Variants in OR2I1 observed in about 807,000 individuals in gnomAD.
OR2I1 encodes putative olfactory receptor 2I1.
At chr6:29,554,880 G>A in the OR2I1 span, 1 of 152,186 alleles carries the variant, frequency 6.6e-6, no homozygotes, top group Non-Finnish European at 1.5e-5. Context: ...GTAAATGGAG[G>A]GAGGAAGATG....
the OR2I1 span, among the ~76,000 whole-genome samples, chr6:29,551,008 T>A: frequency 6.6e-6 from 1 of 152,238 alleles, no homozygotes; most frequent in Admixed American, 6.5e-5. Flanking sequence ...TGGGTTTATG[T>A]GTACAGGTGC....
At chr6:29,554,135 G>A in the OR2I1 span, 4 of 399,198 alleles carry the variant, frequency 1.0e-5, no homozygotes, top group Admixed American at 8.8e-5. Context: ...AGGCTGCTGC[G>A]GAGTCTGGGG....
At chr6:29,554,024 CACGGGGCAAGTTCGT>C in the OR2I1 span, 1 of 398,812 alleles carries the variant, frequency 2.5e-6, no homozygotes, top group South Asian at 1.3e-4. Context: ...TACAACCAGG[CACGGGGCAAGTTCGT>C]ATCGCTCTTC....
chr6:29,554,762 A>T, the OR2I1 span: 1 of 152,232 alleles, frequency 6.6e-6, no homozygotes, highest in Non-Finnish European at 1.5e-5. Context: ...ACAAGGAACT[A>T]GGATGAGTGT....
At chr6:29,554,834 T>C in the OR2I1 span, 1 of 151,610 alleles carries the variant, frequency 6.6e-6, no homozygotes, top group African/African-American at 2.4e-5. Context: ...TAGTGAGTCA[T>C]GAGAGAGAGA....
At chr6:29,555,489 CAG>C in the OR2I1 span, 124 of 202,174 alleles carry the variant, frequency 6.1e-4, 1 homozygote, top group Middle Eastern at 2.1e-3. Flanking sequence ...TTAACAAAGA[CAG>C]AAATACAGAA....
the OR2I1 span, chr6:29,557,053 C>T: frequency 2.6e-5 from 4 of 152,138 alleles, no homozygotes; most frequent in Non-Finnish European, 4.4e-5. Context: ...ACACAACTGA[C>T]CAGCAAAGTT....
chr6:29,552,404 T>G, the OR2I1 span, among the ~76,000 whole-genome samples: 1 of 152,236 alleles, frequency 6.6e-6, no homozygotes, highest in South Asian at 2.1e-4. Flanking sequence ...TCTACCCAAC[T>G]TATTCCTGAT....
At chr6:29,556,604 C>G in the OR2I1 span, 1 of 506,292 alleles carries the variant, frequency 2.0e-6, no homozygotes, top group Non-Finnish European at 3.5e-6. Context: ...AAATCCTGAG[C>G]CCCCAACCAA....
the OR2I1 span, chr6:29,555,176 TAG>T: frequency 3.9e-5 from 6 of 152,226 alleles, no homozygotes; most frequent in Admixed American, 2.6e-4. Flanking sequence ...ACAGAATTGC[TAG>T]ATCCCTGTGG....
chr6:29,552,467 G>T, the OR2I1 span, among the ~76,000 whole-genome samples: 46 of 152,176 alleles, frequency 3.0e-4, no homozygotes, highest in Non-Finnish European at 6.2e-4. Context: ...GGGCATGGAC[G>T]TTGGGAGTAG....
At chr6:29,556,330 T>C in the OR2I1 span, 1 of 1,612,138 alleles carries the variant, frequency 6.2e-7, no homozygotes, top group Non-Finnish European at 8.5e-7. Flanking sequence ...TTAAATCCCA[T>C]TCCTCGGAAC....
the OR2I1 span, chr6:29,555,585 G>C: frequency 4.9e-6 from 2 of 408,430 alleles, no homozygotes; most frequent in Non-Finnish European, 8.6e-6. Flanking sequence ...AAATAACAAG[G>C]TATCAAGACA....
At chr6:29,553,742 ACTTCAT>A in the OR2I1 span, 1 of 398,552 alleles carries the variant, frequency 2.5e-6, no homozygotes, top group Non-Finnish European at 4.4e-6. Flanking sequence ...CTGCTGGACC[ACTTCAT>A]CTGTGAGCTG....
chr6:29,556,124 T>C, the OR2I1 span: 1 of 1,613,144 alleles, frequency 6.2e-7, no homozygotes, highest in Non-Finnish European at 8.5e-7. Flanking sequence ...CAGCTCCTCA[T>C]CACTGGGCTT....
chr6:29,555,819 G>T, the OR2I1 span: 1 of 1,337,568 alleles, frequency 7.5e-7, no homozygotes, highest in Non-Finnish European at 1.1e-6. Flanking sequence ...TGTGTTCGTT[G>T]AGTAAGAGAT....
chr6:29,555,933 C>T, the OR2I1 span: 268 of 1,613,056 alleles, frequency 1.7e-4, 6 homozygotes, highest in South Asian at 2.1e-3. Flanking sequence ...TTTCTGATGC[C>T]GTAATCTGCC....
At chr6:29,556,384 G>T in the OR2I1 span, 23 of 1,552,440 alleles carry the variant, frequency 1.5e-5, no homozygotes, top group Non-Finnish European at 1.9e-5. Flanking sequence ...AGTTACCTAG[G>T]ATGCCTGCCT....
the OR2I1 span, chr6:29,556,216 G>A: frequency 3.7e-6 from 6 of 1,613,030 alleles, no homozygotes; most frequent in South Asian, 6.6e-5. Flanking sequence ...TTAAGATCTT[G>A]GAGCCCAGCA....
Sources: allele counts gnomAD v4.1 joint callset (sites outside exome capture counted in the v4.1 genomes callset), GRCh38; gene constraint gnomAD v4.1.1; transcripts MANE v1.5; gene names NCBI Gene and HGNC (gene_info 2026-07-23, HGNC 2026-07-21).